The following VPS11 variants were observed in gnomAD, a reference collection of about 807,000 sequenced individuals.
VPS11 encodes the protein vacuolar protein sorting-associated protein 11 homolog.
A neutral mutation model predicts 106.8 loss-of-function variants in VPS11; 51 were observed. The observed-to-expected ratio is 0.48, with a 90% CI of 0.38 to 0.60. The LOEUF (loss-of-function observed/expected upper bound fraction) is 0.60, where lower values mean the gene tolerates loss of function less well. Among genes scored for constraint, VPS11 ranks in the 20% least tolerant of loss-of-function variants. VPS11 has a pLI of 0.00. For missense variants in VPS11, 950 were observed against 1,190.0 expected, an observed-to-expected ratio of 0.80 and a Z score of 2.97; for synonymous variants, 453 against 458.7, an observed-to-expected ratio of 0.99 and a Z score of 0.16.
At chr11:119,074,209 C>T (rs1228634438) in intron 7 of VPS11, among the ~76,000 whole-genome samples, 2 of 151,940 alleles carry the variant, frequency 1.3e-5, no homozygotes, top group Admixed American at 6.6e-5. Flanking sequence ...TTCAGTCTCC[C>T]GAGTAGCTGG....
intron 13 of VPS11, 25 bp downstream of exon 13, chr11:119,079,022 G>A: frequency 6.2e-7 from 1 of 1,613,254 alleles, no homozygotes; most frequent in Non-Finnish European, 8.5e-7. Context: ...AGATGGGTGG[G>A]TGACAAGCTG....
chr11:119,069,616 T>C (rs782042240), intron 3 of VPS11, 39 bp downstream of exon 3: 21 of 1,613,408 alleles, frequency 1.3e-5, no homozygotes, highest in African/African-American at 2.7e-5. Flanking sequence ...AGATTTGTTA[T>C]AGATTTTCTT....
intron 5 of VPS11, 136 bp downstream of exon 5, chr11:119,071,979 T>C: frequency 7.8e-7 from 1 of 1,287,652 alleles, no homozygotes; most frequent in Non-Finnish European, 1.1e-6. Context: ...CATTTCTGTT[T>C]TTTTTTTTTG....
At chr11:119,071,207 G>A (rs1379962248) in intron 4 of VPS11, among the ~76,000 whole-genome samples, 1 of 152,204 alleles carries the variant, frequency 6.6e-6, no homozygotes, top group African/African-American at 2.4e-5. Context: ...TGGAATTACA[G>A]GCATGAGCCA....
At chr11:119,074,870 C>T (rs1320987609) in intron 7 of VPS11, among the ~76,000 whole-genome samples, 1 of 152,142 alleles carries the variant, frequency 6.6e-6, no homozygotes. Flanking sequence ...TTCACTTTGA[C>T]CTGGTTCTTT....
In VPS11 at chr11:119,077,033, A is replaced by T. The variant is rs782757611; in HGVS notation, c.1375A>T (p.Asn459Tyr). The T allele has an allele frequency of 1.2e-6, 2 of 1,613,728 alleles. No homozygotes were observed. ...ANADHTTLLLNCYTKLKDSSK... is the reference protein window; with the variant it reads ...ANADHTTLLLYCYTKLKDSSK... ...TGCCGACCATACCACCCTGCTCCTC[A>T]ACTGCTATACCAAGCTCAAGGACAG... The change falls in exon 8 of 16, where the codon AAC becomes TAC. Residue 459 changes from asparagine (N) to tyrosine (Y), a missense_variant. Around this residue, in one of 3 missense-constraint regions of VPS11, gnomAD observed 435 missense variants for 630.2 expected, o/e 0.69. Transcript: ENST00000621676.
At chr11:119,077,155 C>A in intron 8 of VPS11, 72 bp downstream of exon 8, 2 of 1,539,174 alleles carry the variant, frequency 1.3e-6, no homozygotes, top group South Asian at 2.4e-5. Context: ...GGGACTTGTT[C>A]GTTTCAGCAA....
chr11:119,075,101 C>A (rs1945553791), intron 7 of VPS11, among the ~76,000 whole-genome samples: 1 of 151,852 alleles, frequency 6.6e-6, no homozygotes, highest in Admixed American at 6.6e-5. Flanking sequence ...CCCGTCTCTA[C>A]TAAAAAATAC....
At position 119,070,234 on chromosome 11, in the gene VPS11, G is replaced by A; in HGVS notation, c.473G>A (p.Gly158Asp). The change falls in exon 4 of 16, where the codon GGT (glycine) becomes GAT (aspartate). Residue 158 changes from glycine (G) to aspartate (D), a missense_variant and splice_region_variant. This residue lies in a region of VPS11 where 435 missense variants were observed against 630.2 expected (regional missense o/e 0.69). Transcript: ENST00000621676. ...AAGTAATTTTCTTGTTTTCTTACAGGTTTCACAGATGGCAGTGTTACATTG... is the reference window on the plus strand; with the variant it reads ...AAGTAATTTTCTTGTTTTCTTACAGATTTCACAGATGGCAGTGTTACATTG... ...VHENLNFMAI[G>D]FTDGSVTLNK... The A allele has an allele frequency of 1.2e-6, 2 of 1,608,100 alleles. No individual in the cohort carries two copies. The highest frequency in any genetic ancestry group is 1.7e-6 in the Non-Finnish European group (2 of 1,176,426).
At chr11:119,069,832 C>G (rs1945300207) in intron 3 of VPS11, among the ~76,000 whole-genome samples, 2 of 151,922 alleles carry the variant, frequency 1.3e-5, no homozygotes, top group African/African-American at 4.8e-5. Context: ...AACCCCATCT[C>G]TACTAAAAAT....
chr11:119,079,392 T>C, intron 14 of VPS11, 92 bp downstream of exon 14: 1 of 1,405,600 alleles, frequency 7.1e-7, no homozygotes, highest in Admixed American at 2.8e-5. Flanking sequence ...GAGGATACTA[T>C]GGAGTGCTTT....
rs1409608620 is a variant in VPS11, at chr11:119,073,806, T to A, written c.1093T>A (p.Phe365Ile). ...AATCTCTCTTCCCTTCTAGATGCTG[T>A]TTAAGAAGAACCTATTTGAGATGGC... is the stretch of plus-strand genomic sequence containing the variant. ...KDTQTKLEMLFKKNLFEMAIN... is the reference protein window; with the variant it reads ...KDTQTKLEMLIKKNLFEMAIN... Residue 365 changes from phenylalanine (F) to isoleucine (I), a missense_variant, in exon 7 of 16, where the codon TTT becomes ATT. Physicochemically the swap from Phe to Ile is conservative, Grantham distance 21 (BLOSUM62 0). Transcript: ENST00000621676. 6.2e-7 allele frequency: 1 copy of A among 1,609,318 alleles called. No individual in the cohort carries two copies. The highest frequency in any genetic ancestry group is 8.5e-7 in the Non-Finnish European group (1 of 1,175,946).
intron 14 of VPS11, among the ~76,000 whole-genome samples, chr11:119,079,911 A>G (rs566854942): frequency 6.6e-6 from 1 of 152,240 alleles, no homozygotes; most frequent in Non-Finnish European, 1.5e-5. Flanking sequence ...ATTCTGTAAA[A>G]TATTTATTAG....
Position 119,077,918 on chromosome 11 carries a change from T to C in VPS11, c.1613T>C (p.Phe538Ser). The C allele has an allele frequency of 1.9e-6, 3 of 1,614,056 alleles. No individual in the cohort carries two copies. The highest frequency in any genetic ancestry group is 2.5e-6 in the Non-Finnish European group (3 of 1,179,888). Residue 538 changes from phenylalanine (F) to serine (S), a missense_variant, in exon 10 of 16, where the codon TTT becomes TCT. Around this residue, in one of 3 missense-constraint regions of VPS11, gnomAD observed 435 missense variants for 630.2 expected, o/e 0.69. Transcript: ENST00000621676. ...CTTCGATACATCGGCAAGCTGCCTT[T>C]TGAGCAGGCAGAGAGCAACATGAAG... ...EALRYIGKLP[F>S]EQAESNMKRY...
At chr11:119,074,817 T>C (rs1054054593) in intron 7 of VPS11, among the ~76,000 whole-genome samples, 3 of 152,134 alleles carry the variant, frequency 2.0e-5, no homozygotes, top group Admixed American at 1.3e-4. Flanking sequence ...GTTGAGCCGA[T>C]GATTACCTCT....
chr11:119,072,852 A>C (rs558932931), intron 5 of VPS11: 12 of 220,832 alleles, frequency 5.4e-5, no homozygotes, highest in Non-Finnish European at 9.9e-5. Flanking sequence ...GCATGATGAA[A>C]GTACTCCCTG....
At chr11:119,069,102 A>C in intron 1 of VPS11, 94 bp from the exon 2 acceptor site, 1 of 1,502,446 alleles carries the variant, frequency 6.7e-7, no homozygotes, top group Non-Finnish European at 8.9e-7. Flanking sequence ...AATCCTTGAA[A>C]ATTTTAGAGT....
rs1476931418 is a variant in VPS11 at position 119,069,250 on chromosome 11, A to G, written c.242A>G (p.Gln81Arg). 7.4e-6 allele frequency: 12 copies of G among 1,613,866 alleles called. No individual in the cohort carries two copies. The highest frequency in any genetic ancestry group is 1.0e-5 in the Non-Finnish European group (12 of 1,179,888). Residue 81 changes from glutamine (Q) to arginine (R), a missense_variant, in exon 2 of 16, where the codon CAA (glutamine) becomes CGA (arginine). Physicochemically the swap from Gln to Arg is conservative, Grantham distance 43 (BLOSUM62 1). Coordinates refer to ENST00000621676, the MANE Select transcript of VPS11 (RefSeq NM_021729.6). ...LPRSLQLTGF[Q>R]AYKLRVTHLY... Reference sequence around the variant, plus strand: ...CGTTCCCTACAGCTTACAGGCTTCCAAGCCTACAAACTACGGGTGACACAC... The same window carrying G: ...CGTTCCCTACAGCTTACAGGCTTCCGAGCCTACAAACTACGGGTGACACAC...
At chr11:119,079,935 C>T (rs782313468) in intron 14 of VPS11, among the ~76,000 whole-genome samples, 17 of 152,312 alleles carry the variant, frequency 1.1e-4, no homozygotes, top group South Asian at 8.3e-4. Context: ...ACAACAGTTT[C>T]TTCATTCTAC....
Sources: gnomAD v4.1 joint callset for allele counts (sites outside exome capture counted in the v4.1 genomes callset) on GRCh38, gnomAD v4.1.1 for gene constraint, gnomAD v4.1.1 regional missense constraint, MANE v1.5 for transcripts, NCBI Gene and HGNC (gene_info 2026-07-23, HGNC 2026-07-21) for gene names.